Variants in STX8 observed in about 807,000 individuals in gnomAD.
The protein encoded by STX8 is syntaxin 8.
STX8 carries 23 observed loss-of-function variants against 37.5 expected under a neutral mutation model. The observed-to-expected ratio is 0.61, with a 90% confidence interval of 0.44 to 0.87. The LOEUF is 0.87. Among genes scored for constraint, STX8 ranks in the 40% least tolerant of loss-of-function variants. The pLI is 0.00. For missense variants in STX8, 313 were observed against 284.7 expected, an observed-to-expected ratio of 1.10 and a Z score of -0.71; for synonymous variants, 115 against 99.1, an observed-to-expected ratio of 1.16 and a Z score of -0.95.
At chr17:9,454,998 T>C (rs1289635874) in intron 6 of STX8, among the ~76,000 whole-genome samples, 1 of 151,934 alleles carries the variant, frequency 6.6e-6, no homozygotes, top group Admixed American at 6.6e-5. Flanking sequence ...GGAGCATCAC[T>C]TGAGGTCAGG....
intron 5 of STX8, among the ~76,000 whole-genome samples, chr17:9,492,858 G>C (rs1906914049): frequency 1.3e-5 from 2 of 152,130 alleles, no homozygotes; most frequent in African/African-American, 4.8e-5. Flanking sequence ...CACTTTGAGA[G>C]GCCAAGGCGG....
intron 7 of STX8, among the ~76,000 whole-genome samples, chr17:9,310,965 G>A (rs1295422753): frequency 2.6e-5 from 4 of 152,138 alleles, no homozygotes; most frequent in East Asian, 3.9e-4. Context: ...TCGGCCGGGT[G>A]CAATGGCTCG....
At chr17:9,324,390 T>C (rs1378532014) in intron 7 of STX8, among the ~76,000 whole-genome samples, 3 of 152,078 alleles carry the variant, frequency 2.0e-5, no homozygotes, top group Non-Finnish European at 4.4e-5. Context: ...ATGGCGCACA[T>C]TCCAGGGGAT....
chr17:9,487,788 G>A (rs1775650576), intron 6 of STX8, among the ~76,000 whole-genome samples: 1 of 152,258 alleles, frequency 6.6e-6, no homozygotes, highest in South Asian at 2.1e-4. Flanking sequence ...ACCTCTGACT[G>A]TGACTGTGAT....
chr17:9,488,118 G>C (rs918831492), intron 6 of STX8, among the ~76,000 whole-genome samples: 2 of 152,110 alleles, frequency 1.3e-5, no homozygotes, highest in African/African-American at 4.8e-5. Flanking sequence ...CCTGAGGTCA[G>C]GAGTTTGAAA....
At chr17:9,300,830 C>CTTTTTTTTTTTTTTTT (rs1164799565) in intron 7 of STX8, among the ~76,000 whole-genome samples, 39 of 90,890 alleles carry the variant, frequency 4.3e-4, no homozygotes, top group Non-Finnish European at 5.8e-4. Flanking sequence ...TTATTTTGTT[C>CTTTTTTTTTTTTTTTT]TTTTTTTTTT....
chr17:9,341,258 C>A lies in STX8; in HGVS notation c.643+37294G>T, dbSNP rs116571121. Among the ~76,000 whole-genome samples, 521 of 152,154 alleles carry A rather than the reference C, an allele frequency of 3.4e-3. 1 individual carries two copies. The highest frequency in any genetic ancestry group is 0.012 in the African/African-American group (502 of 41,518). On this transcript the variant is annotated intron_variant, in intron 7 of 7. Transcript: ENST00000306357. Reference sequence around the variant, plus strand: ...TTGAGAGGGATGCTCTCTGGTTTTGCTTCTCTACTGCAGCCTCACTCCTTT... The same window carrying A: ...TTGAGAGGGATGCTCTCTGGTTTTGATTCTCTACTGCAGCCTCACTCCTTT...
intron 6 of STX8, among the ~76,000 whole-genome samples, chr17:9,434,154 C>T (rs1443785850): frequency 6.6e-6 from 1 of 152,134 alleles, no homozygotes; most frequent in Admixed American, 6.5e-5. Flanking sequence ...CAGACAGGTG[C>T]TACCATGCCC....
chr17:9,334,559 G>A (rs1962637), intron 7 of STX8, among the ~76,000 whole-genome samples: 120,271 of 152,118 alleles, frequency 0.79, 48,993 homozygotes, highest in East Asian at 0.93. Flanking sequence ...AGGCGGTTTC[G>A]GCTTGGGAAG....
intron 7 of STX8, among the ~76,000 whole-genome samples, chr17:9,352,524 G>C (rs540647698): frequency 7.6e-6 from 1 of 131,634 alleles, no homozygotes; most frequent in East Asian, 2.3e-4. Flanking sequence ...CGGGAGTGCA[G>C]TGGCGCAATC....
At chr17:9,301,620 C>T (rs1395998490) in intron 7 of STX8, among the ~76,000 whole-genome samples, 1 of 151,460 alleles carries the variant, frequency 6.6e-6, no homozygotes, top group Admixed American at 6.6e-5. Flanking sequence ...GTAGCTGGGA[C>T]TACAGGCGCC....
intron 4 of STX8, 111 bp from the exon 5 acceptor site, chr17:9,505,273 A>C: frequency 7.8e-7 from 1 of 1,288,184 alleles, no homozygotes; most frequent in South Asian, 1.5e-5. Context: ...AATTCAATTC[A>C]AACACAATTT....
intron 7 of STX8, among the ~76,000 whole-genome samples, chr17:9,362,331 C>T (rs925089668): frequency 6.6e-6 from 1 of 152,110 alleles, no homozygotes; most frequent in Non-Finnish European, 1.5e-5. Context: ...TCTCAACAAA[C>T]AAACAAACAT....
intron 7 of STX8, among the ~76,000 whole-genome samples, chr17:9,290,461 C>A (rs760558991): frequency 6.6e-6 from 1 of 152,176 alleles, no homozygotes; most frequent in Admixed American, 6.5e-5. Context: ...TCAGCAAGCA[C>A]GTGTGCGCGT....
At chr17:9,410,739 T>C (rs951214696) in intron 6 of STX8, among the ~76,000 whole-genome samples, 2 of 152,260 alleles carry the variant, frequency 1.3e-5, no homozygotes, top group Admixed American at 1.3e-4. Context: ...AATGTAAGCA[T>C]ATTATCCATA....
chr17:9,536,580 ACTCCTTTGTC>A (rs1361622211), intron 4 of STX8, among the ~76,000 whole-genome samples: 1 of 151,660 alleles, frequency 6.6e-6, no homozygotes, highest in Non-Finnish European at 1.5e-5. Flanking sequence ...GCTTTTCCAG[ACTCCTTTGTC>A]CTCCTCCCTG....
intron 6 of STX8, among the ~76,000 whole-genome samples, chr17:9,462,538 G>A (rs1020035510): frequency 1.3e-5 from 2 of 152,016 alleles, no homozygotes; most frequent in East Asian, 1.9e-4. Context: ...CCTGGCCAAC[G>A]TGGTGAAACC....
intron 7 of STX8, among the ~76,000 whole-genome samples, chr17:9,353,645 TA>T (rs1910782890): frequency 6.6e-6 from 1 of 152,216 alleles, no homozygotes; most frequent in South Asian, 2.1e-4. Flanking sequence ...AGAATTACTC[TA>T]ATATCACTCT....
intron 6 of STX8, among the ~76,000 whole-genome samples, chr17:9,384,807 T>C (rs905690012): frequency 4.6e-5 from 7 of 151,918 alleles, no homozygotes; most frequent in Non-Finnish European, 7.4e-5. Flanking sequence ...TGTGTGTGTG[T>C]GTGTGTGTGT....
Sources: allele counts gnomAD v4.1 joint callset (sites outside exome capture counted in the v4.1 genomes callset), GRCh38; gene constraint gnomAD v4.1.1; transcripts MANE v1.5; gene names NCBI Gene and HGNC (gene_info 2026-07-23, HGNC 2026-07-21).